The following CORIN variants were observed in gnomAD, a reference collection of about 807,000 sequenced individuals.
The protein encoded by CORIN is corin, serine peptidase, also known as atrial natriuretic peptide-converting enzyme.
CORIN carries 117 observed loss-of-function variants against 125.3 expected under a neutral mutation model. That is an observed-to-expected ratio of 0.93 (90% CI 0.80 to 1.09). The LOEUF (loss-of-function observed/expected upper bound fraction) is 1.09. Among genes scored for constraint, CORIN ranks in the 50% least tolerant of loss-of-function variants. The probability of loss-of-function intolerance (pLI) is 0.00; values close to 1 mark genes in which losing one functional copy is unlikely to be tolerated. For missense variants in CORIN, 1,253 were observed against 1,306.7 expected (o/e 0.96, Z 0.63); for synonymous variants, 450 against 466.4 (o/e 0.96, Z 0.45).
Position 47,595,488 on chromosome 4 carries a change from C to T in CORIN, c.*233G>A, listed in dbSNP as rs1721216125. The T allele has an allele frequency of 6.0e-6, 2 of 331,282 alleles. No individual in the cohort carries two copies. Among genetic ancestry groups the T allele is most frequent in the Non-Finnish European group, 1.1e-5 (2 of 182,948 alleles). The allele number at this position is 331,282 out of a possible 1,614,324, so 20.5% of individuals were successfully genotyped here. ...AGGCCTGGCAAAAGGACAAAGTCTG[C>T]TTTGTTTGCTTTTGTAAAGTCTTTC... is the stretch of plus-strand genomic sequence containing the variant. On this transcript the variant is annotated 3_prime_UTR_variant, in exon 22 of 22. Transcript: ENST00000273857.
intron 10 of CORIN, among the ~76,000 whole-genome samples, chr4:47,666,337 A>C (rs778364032): frequency 6.6e-6 from 1 of 152,182 alleles, no homozygotes; most frequent in Non-Finnish European, 1.5e-5. Context: ...TTGATCTTGA[A>C]GTCTACACCT....
chr4:47,717,870 G>C (rs952170039), intron 5 of CORIN, among the ~76,000 whole-genome samples: 10 of 152,168 alleles, frequency 6.6e-5, no homozygotes, highest in Non-Finnish European at 1.2e-4. Context: ...GACAGAAGCA[G>C]AAGATAGTGG....
At chr4:47,810,251 G>C (rs1218884716) in intron 1 of CORIN, among the ~76,000 whole-genome samples, 2 of 152,114 alleles carry the variant, frequency 1.3e-5, no homozygotes, top group African/African-American at 4.8e-5. Context: ...GCAGTGGCAT[G>C]ATCTCGGCTC....
intron 13 of CORIN, among the ~76,000 whole-genome samples, chr4:47,650,286 T>A (rs752104931): frequency 6.6e-6 from 1 of 152,258 alleles, no homozygotes; most frequent in African/African-American, 2.4e-5. Flanking sequence ...TTTCTCCATA[T>A]GATGTATACC....
intron 5 of CORIN, among the ~76,000 whole-genome samples, chr4:47,725,653 C>G (rs1265823063): frequency 6.6e-6 from 1 of 151,950 alleles, no homozygotes; most frequent in Non-Finnish European, 1.5e-5. Flanking sequence ...AAAATGAAAA[C>G]TGAAAAAGTC....
Position 47,744,424 on chromosome 4 carries a change from A to G in CORIN, c.777T>C (p.Pro259=). ...TACATTGCTTTCCGTTTTCCTGCTG[A>G]GGTGAGAAGCAAATTCTGCTGACAT... The part of the protein sequence containing the change: ...SSNVSRICFS[P]QQENGKQLLC... The change falls in exon 5 of 22, where the codon CCT becomes CCC. Residue 259 remains proline, a synonymous_variant. Transcript: ENST00000273857. 1 of 1,613,752 alleles carries G rather than the reference A, an allele frequency of 6.2e-7. No homozygotes were observed. The highest frequency in any genetic ancestry group is 8.5e-7 in the Non-Finnish European group (1 of 1,179,898).
intron 19 of CORIN, among the ~76,000 whole-genome samples, chr4:47,613,609 C>A (rs1018134181): frequency 1.3e-5 from 2 of 151,248 alleles, no homozygotes; most frequent in East Asian, 3.9e-4. Context: ...ACATATACAC[C>A]ATGGAATACT....
rs556713599 is a variant in CORIN at position 47,818,442 on chromosome 4, A to G, written c.64-11395T>C. 9.2e-5 allele frequency among the ~76,000 whole-genome samples: 14 copies of G among 152,362 alleles called. No individual in the cohort carries two copies. In the South Asian group the frequency reaches 1.0e-3, roughly 11 times the overall value. ...CCAAAGAAATCAAACAGAGGAAGAA[A>G]GACAAGTTCTCAGAAAACAAATGAA... is the stretch of plus-strand genomic sequence containing the variant. On this transcript the variant is annotated intron_variant, in intron 1 of 21. Coordinates refer to ENST00000273857, the MANE Select transcript of CORIN (RefSeq NM_006587.4).
At position 47,594,106 on chromosome 4, in the gene CORIN, A is replaced by T. The variant is rs868432303; in HGVS notation, c.*1615T>A. ...CAGGCTAAAAGTTGATACATTGAGTATGTAGCTACAACTGTAACAAAACTG... is the reference window on the plus strand; with the variant it reads ...CAGGCTAAAAGTTGATACATTGAGTTTGTAGCTACAACTGTAACAAAACTG... On this transcript the variant is annotated 3_prime_UTR_variant, in exon 22 of 22. Coordinates refer to ENST00000273857, the MANE Select transcript of CORIN (RefSeq NM_006587.4). The T allele has an allele frequency of 5.3e-5, 8 of 152,140 alleles. No homozygotes were observed. Among genetic ancestry groups the T allele is most frequent in the Admixed American group, 1.3e-4 (2 of 15,254 alleles). 9.4% of individuals were successfully genotyped at this position (152,140 alleles called of 1,614,324 possible). A position where few individuals can be genotyped will look rare whatever the true frequency, so the allele number is the denominator to read the frequency against.
At chr4:47,818,195 T>C (rs959785974) in intron 1 of CORIN, among the ~76,000 whole-genome samples, 1 of 152,222 alleles carries the variant, frequency 6.6e-6, no homozygotes, top group Non-Finnish European at 1.5e-5. Context: ...AAGTGTTGAC[T>C]AAACTACTAA....
At chr4:47,715,443 C>T (rs180843998) in intron 5 of CORIN, among the ~76,000 whole-genome samples, 4 of 151,214 alleles carry the variant, frequency 2.6e-5, no homozygotes, top group African/African-American at 7.3e-5. Flanking sequence ...CTCGTCTCTA[C>T]TAAAATACAA....
At chr4:47,825,977 A>G (rs561846456) in intron 1 of CORIN, among the ~76,000 whole-genome samples, 1 of 152,296 alleles carries the variant, frequency 6.6e-6, no homozygotes, top group Admixed American at 6.5e-5. Flanking sequence ...TGCTAGGATT[A>G]CAGGTGTGAG....
At position 47,594,676 on chromosome 4, in the gene CORIN, T is replaced by G. The variant is rs539201914; in HGVS notation, c.*1045A>C. 96 of 152,280 alleles carry G rather than the reference T, an allele frequency of 6.3e-4. No homozygotes were observed. Among genetic ancestry groups the G allele is most frequent in the African/African-American group, 2.2e-3 (90 of 41,570 alleles). The allele number at this position is 152,280 out of a possible 1,614,324, so 9.4% of individuals were successfully genotyped here. ...TTGGTATGGATGAACGCAAGAAAACTGAAAAATAAATTTAATTAAACGAGG... is the reference window on the plus strand; with the variant it reads ...TTGGTATGGATGAACGCAAGAAAACGGAAAAATAAATTTAATTAAACGAGG... On this transcript the variant is annotated 3_prime_UTR_variant, in exon 22 of 22. Transcript: ENST00000273857.
chr4:47,788,041 C>T (rs1453295513), intron 2 of CORIN, among the ~76,000 whole-genome samples: 2 of 152,138 alleles, frequency 1.3e-5, no homozygotes, highest in African/African-American at 4.8e-5. Flanking sequence ...TGAAAGAGAT[C>T]GTGTATTTTT....
chr4:47,786,306 G>A (rs376851972), intron 3 of CORIN, among the ~76,000 whole-genome samples: 4 of 151,982 alleles, frequency 2.6e-5, no homozygotes, highest in African/African-American at 9.7e-5. Flanking sequence ...AGGCCGAGGC[G>A]GGCGGATCAC....
chr4:47,825,557 G>GT (rs1352008860), intron 1 of CORIN, among the ~76,000 whole-genome samples: 8 of 152,082 alleles, frequency 5.3e-5, no homozygotes, highest in Non-Finnish European at 8.8e-5. Context: ...AGATAAAGAC[G>GT]TAAGAGTAAC....
At chr4:47,673,202 A>G (rs1436764587) in intron 10 of CORIN, among the ~76,000 whole-genome samples, 3 of 150,150 alleles carry the variant, frequency 2.0e-5, no homozygotes, top group African/African-American at 7.3e-5. Flanking sequence ...AAATAAATAA[A>G]TAAATAAATA....
intron 5 of CORIN, among the ~76,000 whole-genome samples, chr4:47,700,833 T>A (rs1463184799): frequency 6.6e-6 from 1 of 152,166 alleles, no homozygotes; most frequent in East Asian, 1.9e-4. Flanking sequence ...CTCCAGACAT[T>A]TCTCTCCATG....
intron 1 of CORIN, chr4:47,831,579 A>G (rs1733001837): frequency 1.3e-5 from 2 of 152,252 alleles, no homozygotes; most frequent in African/African-American, 2.4e-5. Flanking sequence ...CCCAACCTGC[A>G]TGATGATCGT....
Sources: gnomAD v4.1 joint callset for allele counts (sites outside exome capture counted in the v4.1 genomes callset) on GRCh38, gnomAD v4.1.1 for gene constraint, MANE v1.5 for transcripts, NCBI Gene and HGNC (gene_info 2026-07-23, HGNC 2026-07-21) for gene names.